IL1R1: variants seen among roughly 807,000 people sequenced by gnomAD.
IL1R1 encodes the protein interleukin 1 receptor type 1, also known as interleukin-1 receptor type 1.
IL1R1 carries 22 observed loss-of-function variants against 50.2 expected under a neutral mutation model. The observed-to-expected ratio is 0.44, with a 90% CI of 0.31 to 0.63. The LOEUF (loss-of-function observed/expected upper bound fraction) is 0.63. Among genes scored for constraint, IL1R1 ranks in the 20% least tolerant of loss-of-function variants. The pLI, the probability that IL1R1 is intolerant of heterozygous loss-of-function variation, is 0.07. For synonymous variants in IL1R1, 251 were observed against 236.7 expected (o/e 1.06, Z -0.55); for missense variants, 509 against 676.2 (o/e 0.75, Z 2.74).
intron 3 of IL1R1, among the ~76,000 whole-genome samples, chr2:102,158,555 C>T (rs1478349815): frequency 6.6e-6 from 1 of 152,156 alleles, no homozygotes; most frequent in Non-Finnish European, 1.5e-5. Context: ...TCAGCATGTG[C>T]AAAGGCCCAG....
chr2:102,131,439 A>C (rs1366201137), intron 1 of IL1R1, among the ~76,000 whole-genome samples: 1 of 152,226 alleles, frequency 6.6e-6, no homozygotes, highest in African/African-American at 2.4e-5. Context: ...GAATTAGCAG[A>C]CAAGGACATG....
chr2:102,076,269 C>T (rs1190699671), intron 1 of IL1R1, among the ~76,000 whole-genome samples: 2 of 150,514 alleles, frequency 1.3e-5, no homozygotes, highest in Admixed American at 1.3e-4. Context: ...GCTCCGCCTC[C>T]CAGGTTCACA....
chr2:102,152,218 T>C (rs1336634826), intron 1 of IL1R1, among the ~76,000 whole-genome samples: 1 of 151,056 alleles, frequency 6.6e-6, no homozygotes, highest in Non-Finnish European at 1.5e-5. Flanking sequence ...ATTAGAAGAG[T>C]GTGGGGGCCA....
At chr2:102,141,159 C>T (rs570759380), upstream of IL1R1, among the ~76,000 whole-genome samples, 1 of 152,342 alleles carries the variant, frequency 6.6e-6, no homozygotes, top group African/African-American at 2.4e-5. Flanking sequence ...CATTTGGACA[C>T]GTGGTTGAAG....
At chr2:102,076,117 T>A (rs1277948769) in intron 1 of IL1R1, among the ~76,000 whole-genome samples, 1 of 152,202 alleles carries the variant, frequency 6.6e-6, no homozygotes, top group Admixed American at 6.5e-5. Context: ...TTTGAAATGT[T>A]TTAATTAATA....
intron 1 of IL1R1, among the ~76,000 whole-genome samples, chr2:102,148,442 G>T (rs1242065717): frequency 6.6e-6 from 1 of 152,158 alleles, no homozygotes; most frequent in African/African-American, 2.4e-5. Flanking sequence ...TACCTCCCAG[G>T]GATTCCTTCT....
intron 1 of IL1R1, among the ~76,000 whole-genome samples, chr2:102,093,030 G>C (rs1420043181): frequency 6.6e-6 from 1 of 152,112 alleles, no homozygotes; most frequent in Non-Finnish European, 1.5e-5. Context: ...TAGCAGTTTT[G>C]GAATAAGTGG....
intron 1 of IL1R1, among the ~76,000 whole-genome samples, chr2:102,096,623 G>A (rs1679914745): frequency 6.6e-6 from 1 of 151,212 alleles, no homozygotes; most frequent in African/African-American, 2.4e-5. Context: ...CTCTTTATAA[G>A]TTATTTGTGT....
intron 1 of IL1R1, among the ~76,000 whole-genome samples, chr2:102,091,165 T>A (rs1679650183): frequency 6.6e-6 from 1 of 152,232 alleles, no homozygotes; most frequent in African/African-American, 2.4e-5. Context: ...AAGTGATCAG[T>A]CTCATAGAGA....
intron 1 of IL1R1, among the ~76,000 whole-genome samples, chr2:102,132,075 A>G (rs1294632794): frequency 6.6e-6 from 1 of 152,112 alleles, no homozygotes; most frequent in African/African-American, 2.4e-5. Context: ...GTCAACCAAG[A>G]ATTTTATACA....
chr2:102,096,769 T>C (rs754230860), intron 1 of IL1R1, among the ~76,000 whole-genome samples: 4 of 152,106 alleles, frequency 2.6e-5, no homozygotes, highest in Non-Finnish European at 5.9e-5. Context: ...TTTTTAAAAC[T>C]TTTAATTTTA....
At chr2:102,127,057 G>A (rs1681751329) in intron 1 of IL1R1, among the ~76,000 whole-genome samples, 1 of 152,196 alleles carries the variant, frequency 6.6e-6, no homozygotes, top group South Asian at 2.1e-4. Context: ...TCCTGGAGAT[G>A]GTTGACTGGT....
intron 1 of IL1R1, among the ~76,000 whole-genome samples, chr2:102,127,981 C>T (rs1681818337): frequency 2.0e-5 from 3 of 152,114 alleles, no homozygotes; most frequent in Non-Finnish European, 4.4e-5. Context: ...TCTTTATTAT[C>T]TTTGAGTGTT....
chr2:102,149,903 A>G (rs546465956), intron 1 of IL1R1, among the ~76,000 whole-genome samples: 5 of 152,226 alleles, frequency 3.3e-5, no homozygotes, highest in South Asian at 4.1e-4. Context: ...CTATGTTTTG[A>G]CAGACATGGA....
intron 1 of IL1R1, among the ~76,000 whole-genome samples, chr2:102,121,509 T>G (rs1681405190): frequency 6.6e-6 from 1 of 152,194 alleles, no homozygotes; most frequent in African/African-American, 2.4e-5. Flanking sequence ...GCTCTTGCCT[T>G]CCTTCTTTCT....
intron 1 of IL1R1, among the ~76,000 whole-genome samples, chr2:102,089,782 G>T (rs1486108883): frequency 1.3e-5 from 2 of 150,886 alleles, no homozygotes; most frequent in African/African-American, 4.9e-5. Flanking sequence ...TTTGTCTGTG[G>T]TATTCAAGAG....
chr2:102,145,248 TG>T (rs1683014946), intron 1 of IL1R1, among the ~76,000 whole-genome samples: 1 of 152,194 alleles, frequency 6.6e-6, no homozygotes, highest in African/African-American at 2.4e-5. Flanking sequence ...GTGCTTGGTT[TG>T]CATTTTCTTC....
rs1265016510 is a variant in IL1R1, at chr2:102,178,623, A to G, written c.*1864A>G. Reference sequence around the variant, plus strand: ...TGGCACGTTTGTGAGAAGAAATGACATTTTGCTAGGAAGTGACCGAGTCTA... The same window carrying G: ...TGGCACGTTTGTGAGAAGAAATGACGTTTTGCTAGGAAGTGACCGAGTCTA... On this transcript the variant is annotated 3_prime_UTR_variant, in exon 12 of 12. Coordinates refer to ENST00000410023, the MANE Select transcript of IL1R1 (RefSeq NM_000877.4). 1.3e-5 allele frequency: 2 copies of G among 152,234 alleles called. No homozygotes were observed. Among genetic ancestry groups the G allele is most frequent in the Admixed American group, 6.6e-5 (1 of 15,264 alleles). The allele number at this position is 152,234 out of a possible 1,614,324, so 9.4% of individuals were successfully genotyped here.
At chr2:102,156,241 T>G (rs950403960) in intron 2 of IL1R1, 1 of 152,632 alleles carries the variant, frequency 6.6e-6, no homozygotes, top group African/African-American at 2.4e-5. Context: ...TGTAAATAGT[T>G]TAAAGGTAAA....
Sources: gnomAD v4.1 joint callset for allele counts (sites outside exome capture counted in the v4.1 genomes callset) on GRCh38, gnomAD v4.1.1 for gene constraint, MANE v1.5 for transcripts, NCBI Gene and HGNC (gene_info 2026-07-23, HGNC 2026-07-21) for gene names.